DMD: variants seen among roughly 807,000 people sequenced by gnomAD.
The protein encoded by DMD is dystrophin.
A neutral mutation model predicts 330.1 loss-of-function variants in DMD; 63 were observed. The ratio of observed to expected loss-of-function variants is 0.19; its 90% CI spans 0.16 to 0.24. The LOEUF (loss-of-function observed/expected upper bound fraction) is 0.24. DMD is among the 10% of genes least tolerant of loss of function. The pLI, the probability that DMD is intolerant of heterozygous loss-of-function variation, is 1.00. For synonymous variants in DMD, 1,223 were observed against 959.8 expected (o/e 1.27, Z -5.07); for missense variants, 3,344 against 2,684.1 (o/e 1.25, Z -5.43).
At chrX:32,929,152 G>C (rs938053878) in intron 2 of DMD, among the ~76,000 whole-genome samples, 1 of 110,921 alleles carries the variant, frequency 9.0e-6, no homozygotes, top group Admixed American at 9.6e-5. Flanking sequence ...TAGATAATGA[G>C]TTCCATTTGG....
intron 7 of DMD, among the ~76,000 whole-genome samples, chrX:32,785,481 T>C (rs1241677653): frequency 9.0e-6 from 1 of 111,657 alleles, no homozygotes; most frequent in Non-Finnish European, 1.9e-5. Context: ...TCTTCACTAG[T>C]CTATGTTAAG....
intron 9 of DMD, among the ~76,000 whole-genome samples, chrX:32,653,621 G>T (rs2060333745): frequency 8.9e-6 from 1 of 111,921 alleles, no homozygotes; most frequent in Admixed American, 9.5e-5. Flanking sequence ...TTTTGGCTTA[G>T]GATTGACCTG....
At chrX:31,318,638 A>C (rs975799273) in intron 62 of DMD, among the ~76,000 whole-genome samples, 1 of 112,337 alleles carries the variant, frequency 8.9e-6, no homozygotes, top group Non-Finnish European at 1.9e-5. Context: ...ATGTATATAC[A>C]ACATTCAAAA....
At chrX:31,786,771 G>A (rs893848868) in intron 50 of DMD, among the ~76,000 whole-genome samples, 1 of 111,748 alleles carries the variant, frequency 8.9e-6, no homozygotes, top group African/African-American at 3.3e-5. Flanking sequence ...TCGCCCATTT[G>A]CCTCAATTTG....
At chrX:32,773,177 C>T (rs759349356) in intron 7 of DMD, among the ~76,000 whole-genome samples, 1 of 112,179 alleles carries the variant, frequency 8.9e-6, no homozygotes, top group African/African-American at 3.2e-5. Context: ...GGTATTCATT[C>T]ATAAACTAAA....
chrX:32,481,121 G>T (rs1168847751), intron 21 of DMD, among the ~76,000 whole-genome samples: 1 of 110,637 alleles, frequency 9.0e-6, no homozygotes, highest in Non-Finnish European at 1.9e-5. Context: ...GCTTGAAATT[G>T]TGGCCATGGA....
At chrX:31,437,481 C>T (rs1273745857) in intron 60 of DMD, among the ~76,000 whole-genome samples, 2 of 111,215 alleles carry the variant, frequency 1.8e-5, no homozygotes, top group Admixed American at 9.7e-5. Context: ...GCAGGTGATT[C>T]TTATCCATGC....
At chrX:33,267,238 T>G (rs1351447451) in intron 1 of DMD, among the ~76,000 whole-genome samples, 2 of 109,903 alleles carry the variant, frequency 1.8e-5, no homozygotes, top group Admixed American at 2.0e-4. Flanking sequence ...AAGCTGAGAG[T>G]CAAATGAAGA....
intron 1 of DMD, among the ~76,000 whole-genome samples, chrX:33,250,757 TA>T: frequency 9.0e-6 from 1 of 111,398 alleles, no homozygotes; most frequent in East Asian, 2.8e-4. Flanking sequence ...CAAAACCATT[TA>T]AAATATAAAT....
chrX:31,650,389 T>A (rs111350169), intron 54 of DMD, among the ~76,000 whole-genome samples: 50 of 111,606 alleles, frequency 4.5e-4, no homozygotes, highest in African/African-American at 1.5e-3. Context: ...AGGCAGCAAA[T>A]CTTTATCCTT....
At chrX:32,984,797 A>G (rs895590148) in intron 2 of DMD, among the ~76,000 whole-genome samples, 1 of 110,976 alleles carries the variant, frequency 9.0e-6, no homozygotes, top group Non-Finnish European at 1.9e-5. Context: ...CTCGCTGGAA[A>G]CCTTTTAAGT....
rs762373677 is a variant in DMD, at chrX:32,349,978, C to A, written c.5326-1450G>T. Among the ~76,000 whole-genome samples, 3 of 111,066 alleles carry A rather than the reference C, an allele frequency of 2.7e-5. No homozygotes were observed. The South Asian group carries it at 1.1e-3, about 42-fold the overall frequency. On this transcript the variant is annotated intron_variant, in intron 37 of 78. Coordinates refer to ENST00000357033, the MANE Select transcript of DMD (RefSeq NM_004006.3). The stretch of plus-strand genomic sequence containing the variant: ...ACGGTAAAAGTAAAAAGATTAACAA[C>A]CCTTAGAATCATAACTATACAATTA...
chrX:31,727,629 G>C (rs1281509477), intron 52 of DMD, among the ~76,000 whole-genome samples: 1 of 112,211 alleles, frequency 8.9e-6, no homozygotes, highest in Non-Finnish European at 1.9e-5. Flanking sequence ...TGACTTCATA[G>C]AGGGCTGCTT....
chrX:32,455,358 T>C (rs762165362), intron 25 of DMD, among the ~76,000 whole-genome samples: 2 of 111,529 alleles, frequency 1.8e-5, no homozygotes, highest in African/African-American at 6.5e-5. Context: ...ATATAAAAGA[T>C]GTTCTAATAC....
At chrX:33,177,943 CA>C (rs1249493983) in intron 1 of DMD, among the ~76,000 whole-genome samples, 2 of 111,859 alleles carry the variant, frequency 1.8e-5, no homozygotes, top group African/African-American at 6.5e-5. Context: ...AAAATACGAA[CA>C]GATGTATTGA....
At chrX:32,654,908 C>T (rs929370195) in intron 9 of DMD, among the ~76,000 whole-genome samples, 4 of 111,683 alleles carry the variant, frequency 3.6e-5, no homozygotes, top group Non-Finnish European at 7.5e-5. Flanking sequence ...TTTATCCATT[C>T]CTTCTAGATT....
At chrX:32,748,154 C>A (rs774928781) in intron 7 of DMD, among the ~76,000 whole-genome samples, 2 of 109,435 alleles carry the variant, frequency 1.8e-5, no homozygotes, top group African/African-American at 3.3e-5. Flanking sequence ...ACCAGCCTGG[C>A]CAACATGGCA....
At chrX:31,757,707 C>G (rs372680083) in intron 51 of DMD, among the ~76,000 whole-genome samples, 3 of 110,310 alleles carry the variant, frequency 2.7e-5, no homozygotes, top group South Asian at 7.8e-4. Context: ...AATCACCCCC[C>G]CAAACCCCCA....
intron 55 of DMD, among the ~76,000 whole-genome samples, chrX:31,574,428 C>G (rs1569552255): frequency 9.0e-6 from 1 of 111,011 alleles, no homozygotes; most frequent in Non-Finnish European, 1.9e-5. Context: ...CAGGTGTGAG[C>G]CACTGTGCCC....
Sources: allele counts gnomAD v4.1 joint callset (sites outside exome capture counted in the v4.1 genomes callset), GRCh38; gene constraint gnomAD v4.1.1; transcripts MANE v1.5; gene names NCBI Gene and HGNC (gene_info 2026-07-23, HGNC 2026-07-21).